NCOR1: variants seen among roughly 807,000 people sequenced by gnomAD.
NCOR1 encodes nuclear receptor corepressor 1, also known as protein phosphatase 1, regulatory subunit 109.
A neutral mutation model predicts 288.1 loss-of-function variants in NCOR1; 63 were observed. That is an observed-to-expected ratio of 0.22 (90% CI 0.18 to 0.27). The LOEUF is 0.27. Ranked by LOEUF, NCOR1 falls within the 10% of genes least tolerant of loss-of-function variation. The probability of loss-of-function intolerance (pLI) is 1.00; values close to 1 mark genes in which losing one functional copy is unlikely to be tolerated. For missense variants in NCOR1, 2,397 were observed against 3,019.2 expected (o/e 0.79, Z 4.83); for synonymous variants, 1,007 against 1,065.9 (o/e 0.94, Z 1.08).
At position 16,177,885 on chromosome 17, in the gene NCOR1, G is replaced by A. The variant is rs183701097; in HGVS notation, c.243-5890C>T. ...AGGATTTCACTAACTTACTTTCTTCGATACTGCTTTTTTTTAATTTTCTTT... is the reference window on the plus strand; with the variant it reads ...AGGATTTCACTAACTTACTTTCTTCAATACTGCTTTTTTTTAATTTTCTTT... On this transcript the variant is annotated intron_variant, in intron 3 of 45. Coordinates refer to ENST00000268712, the MANE Select transcript of NCOR1 (RefSeq NM_006311.4). Among the ~76,000 whole-genome samples the A allele has an allele frequency of 3.3e-5, 5 of 152,166 alleles. No homozygotes were observed. In the East Asian group the frequency reaches 9.6e-4, roughly 29 times the overall value.
At chr17:16,053,877 C>T (rs1401967358) in intron 40 of NCOR1, among the ~76,000 whole-genome samples, 2 of 151,796 alleles carry the variant, frequency 1.3e-5, no homozygotes, top group African/African-American at 2.4e-5. Context: ...ACAGAGAACC[C>T]AGAAATAAGG....
Position 16,038,602 on chromosome 17 carries a change from A to C in NCOR1, c.6955+831T>G, listed in dbSNP as rs896795973. 3.3e-5 allele frequency among the ~76,000 whole-genome samples: 5 copies of C among 151,914 alleles called. 1 individual carries two copies. Among genetic ancestry groups the C allele is most frequent in the Admixed American group, 3.3e-4 (5 of 15,240 alleles). ...ACAGCGTGAGCCACCACACCCAGCT[A>C]ATTTTTGTAATTTTTGTAGAGACGG... is the stretch of plus-strand genomic sequence containing the variant. On this transcript the variant is annotated intron_variant, in intron 44 of 45. Transcript: ENST00000268712.
intron 14 of NCOR1, among the ~76,000 whole-genome samples, chr17:16,128,482 C>A (rs74711547): frequency 6.6e-6 from 1 of 152,314 alleles, no homozygotes; most frequent in African/African-American, 2.4e-5. Context: ...GAACAAGAAT[C>A]CAATCTTACT....
At chr17:16,190,207 G>A (rs758289287) in intron 2 of NCOR1, among the ~76,000 whole-genome samples, 1 of 152,210 alleles carries the variant, frequency 6.6e-6, no homozygotes, top group Non-Finnish European at 1.5e-5. Flanking sequence ...TTCAGCCTGG[G>A]TGATAGAGTG....
intron 43 of NCOR1, chr17:16,040,170 GT>G: frequency 1.8e-6 from 1 of 567,964 alleles, no homozygotes; most frequent in South Asian, 1.5e-5. Flanking sequence ...TTCTATTAAA[GT>G]TACTCAACAA....
intron 33 of NCOR1, among the ~76,000 whole-genome samples, chr17:16,065,237 G>C (rs1423813953): frequency 1.3e-5 from 2 of 152,148 alleles, no homozygotes; most frequent in East Asian, 1.9e-4. Context: ...GCAGATTAAA[G>C]AGAGCAAATT....
chr17:16,198,819 T>C (rs1335317961), intron 1 of NCOR1: 1 of 152,160 alleles, frequency 6.6e-6, no homozygotes, highest in Non-Finnish European at 1.5e-5. Flanking sequence ...TAAAACATGC[T>C]TTAAGTTATC....
intron 8 of NCOR1, among the ~76,000 whole-genome samples, chr17:16,150,864 C>A (rs1439738945): frequency 6.6e-6 from 1 of 152,098 alleles, no homozygotes; most frequent in African/African-American, 2.4e-5. Context: ...TAGCATCTCA[C>A]AGAAAAATTG....
intron 2 of NCOR1, among the ~76,000 whole-genome samples, chr17:16,187,422 C>A (rs1265750503): frequency 6.6e-6 from 1 of 151,604 alleles, no homozygotes; most frequent in Non-Finnish European, 1.5e-5. Context: ...CCAAAATGTC[C>A]ATCAACTAAT....
At chr17:16,196,720 G>A (rs2153566394) in intron 1 of NCOR1, among the ~76,000 whole-genome samples, 1 of 151,674 alleles carries the variant, frequency 6.6e-6, no homozygotes, top group South Asian at 2.1e-4. Context: ...AGCTACTGGG[G>A]AGACTGAGGC....
chr17:16,052,329 A>G lies in NCOR1; in HGVS notation c.6393-3341T>C, dbSNP rs61499720. 7.2e-3 allele frequency among the ~76,000 whole-genome samples: 1,093 copies of G among 152,144 alleles called. 13 individuals carry two copies. Among genetic ancestry groups the G allele is most frequent in the African/African-American group, 0.025 (1,052 of 41,504 alleles). ...ATGAGCCACGGCACCCGGCCTCAGA[A>G]TCTGGTTTTTAGAAAAAATTAATAA... On this transcript the variant is annotated intron_variant, in intron 40 of 45. Coordinates refer to ENST00000268712, the MANE Select transcript of NCOR1 (RefSeq NM_006311.4).
At position 16,072,234 on chromosome 17, in the gene NCOR1, A is replaced by G; in HGVS notation, c.3812-6T>C. On this transcript the variant is annotated splice_region_variant and splice_polypyrimidine_tract_variant and intron_variant, in intron 28 of 45. Coordinates refer to ENST00000268712, the MANE Select transcript of NCOR1 (RefSeq NM_006311.4). ...TAATGCTCGGCATATCAGCCCTTCC[A>G]AAACAAGAAAGCAATTCAATTATTC... is the stretch of plus-strand genomic sequence containing the variant. 1 of 1,605,302 alleles carries G rather than the reference A, an allele frequency of 6.2e-7. No homozygotes were observed. The highest frequency in any genetic ancestry group is 2.2e-5 in the East Asian group (1 of 44,776).
At chr17:16,114,719 C>A (rs530832780) in intron 18 of NCOR1, among the ~76,000 whole-genome samples, 1 of 152,230 alleles carries the variant, frequency 6.6e-6, no homozygotes, top group Non-Finnish European at 1.5e-5. Flanking sequence ...ACGTCCAGGT[C>A]GTGCTGATGC....
chr17:16,119,632 C>CCT (rs1440546486), intron 16 of NCOR1, 147 bp from the exon 17 acceptor site: 2 of 494,684 alleles, frequency 4.0e-6, no homozygotes, highest in Non-Finnish European at 7.1e-6. Context: ...AGGATAGTAA[C>CCT]CTCTCCTCCA....
Position 16,129,544 on chromosome 17 carries a change from C to T in NCOR1, c.1510-3338G>A, listed in dbSNP as rs534229426. Among the ~76,000 whole-genome samples the T allele has an allele frequency of 5.3e-4, 80 of 152,260 alleles. 1 individual carries two copies. The highest frequency in any genetic ancestry group is 1.8e-3 in the African/African-American group (76 of 41,524). On this transcript the variant is annotated intron_variant, in intron 14 of 45. Coordinates refer to ENST00000268712, the MANE Select transcript of NCOR1 (RefSeq NM_006311.4). ...GATTTTAAAATTTAAACTTTCAAACCATGAGTAGGTCTGCTTTATAATTGG... is the reference window on the plus strand; with the variant it reads ...GATTTTAAAATTTAAACTTTCAAACTATGAGTAGGTCTGCTTTATAATTGG...
intron 1 of NCOR1, among the ~76,000 whole-genome samples, chr17:16,201,705 C>T (rs1342813242): frequency 6.6e-6 from 1 of 152,220 alleles, no homozygotes; most frequent in Non-Finnish European, 1.5e-5. Flanking sequence ...CAATATCCAA[C>T]TGAAAACTCT....
intron 3 of NCOR1, among the ~76,000 whole-genome samples, chr17:16,185,535 TTAGC>T: frequency 6.6e-6 from 1 of 151,646 alleles, no homozygotes; most frequent in Admixed American, 6.6e-5. Flanking sequence ...AACACAAAAG[TTAGC>T]TGGGTGTGGT....
chr17:16,071,995 T>C (rs1017665135), intron 29 of NCOR1, 150 bp downstream of exon 29: 3 of 616,990 alleles, frequency 4.9e-6, no homozygotes, highest in Non-Finnish European at 8.1e-6. Context: ...ATAAATTATG[T>C]AGCTCAGAGG....
rs546663779 is a variant in NCOR1 at position 16,030,524 on chromosome 17, G to A, written c.*1772C>T. On this transcript the variant is annotated 3_prime_UTR_variant, in exon 46 of 46. Transcript: ENST00000268712. ...AAAAAATTCAGCAGAAAACTGTGAAGTGGAACATTTAGTCACTGTTTTTCA... is the reference window on the plus strand; with the variant it reads ...AAAAAATTCAGCAGAAAACTGTGAAATGGAACATTTAGTCACTGTTTTTCA... 1 of 194,552 alleles carries A rather than the reference G, an allele frequency of 5.1e-6. No individual in the cohort carries two copies. The highest frequency in any genetic ancestry group is 8.1e-5 in the East Asian group (1 of 12,394). The allele number at this position is 194,552 out of a possible 1,614,324, so 12.1% of individuals were successfully genotyped here. A position where few individuals can be genotyped will look rare whatever the true frequency, so the allele number is the denominator to read the frequency against.
Sources: gnomAD v4.1 joint callset for allele counts (sites outside exome capture counted in the v4.1 genomes callset) on GRCh38, gnomAD v4.1.1 for gene constraint, MANE v1.5 for transcripts, NCBI Gene and HGNC (gene_info 2026-07-23, HGNC 2026-07-21) for gene names.